Variants in DLG2 observed in about 807,000 individuals in gnomAD.
The protein encoded by DLG2 is discs large MAGUK scaffold protein 2, also known as disks large homolog 2.
A neutral mutation model predicts 132.5 loss-of-function variants in DLG2; 45 were observed. That is an observed-to-expected ratio of 0.34 (90% CI 0.27 to 0.44). DLG2 has a LOEUF of 0.44. DLG2 is among the 20% of genes least tolerant of loss of function. The pLI is 1.00. For synonymous variants in DLG2, 424 were observed against 419.6 expected (o/e 1.01, Z -0.13); for missense variants, 1,045 against 1,196.9 (o/e 0.87, Z 1.87).
At chr11:83,680,035 T>C (rs1180380859) in intron 18 of DLG2, among the ~76,000 whole-genome samples, 1 of 152,198 alleles carries the variant, frequency 6.6e-6, no homozygotes, top group Non-Finnish European at 1.5e-5. Flanking sequence ...TGGTTTTGTG[T>C]GTATGTGTCC....
chr11:85,074,402 GA>G (rs1353114944), intron 6 of DLG2, among the ~76,000 whole-genome samples: 4 of 151,720 alleles, frequency 2.6e-5, no homozygotes, highest in Non-Finnish European at 4.4e-5. Flanking sequence ...AGGAAGTAAT[GA>G]CCTGCCTTAT....
chr11:85,250,242 C>T (rs1170468056), intron 4 of DLG2, among the ~76,000 whole-genome samples: 1 of 152,082 alleles, frequency 6.6e-6, no homozygotes. Context: ...ACTCTACATA[C>T]CCAGATAACT....
At chr11:85,400,756 G>A (rs866644773) in intron 3 of DLG2, among the ~76,000 whole-genome samples, 8 of 151,278 alleles carry the variant, frequency 5.3e-5, no homozygotes, top group South Asian at 2.1e-4. Flanking sequence ...CACAGGAAGG[G>A]GAACATCACA....
intron 6 of DLG2, among the ~76,000 whole-genome samples, chr11:84,941,531 T>C (rs7949733): frequency 0.27 from 41,796 of 152,028 alleles, 6,267 homozygotes; most frequent in East Asian, 0.64. Context: ...ATCACACTGA[T>C]TGATTTGCAT....
At chr11:85,340,669 G>C (rs560514137) in intron 3 of DLG2, among the ~76,000 whole-genome samples, 1 of 152,064 alleles carries the variant, frequency 6.6e-6, no homozygotes, top group Non-Finnish European at 1.5e-5. Context: ...TTTTTAAAAA[G>C]AATATTAGCC....
At chr11:84,149,458 A>C (rs1434234059) in intron 9 of DLG2, among the ~76,000 whole-genome samples, 1 of 152,100 alleles carries the variant, frequency 6.6e-6, no homozygotes, top group Non-Finnish European at 1.5e-5. Flanking sequence ...TCCCAGCACC[A>C]TTAATTGAAT....
intron 7 of DLG2, chr11:84,317,011 C>T (rs776597837): frequency 1.9e-6 from 3 of 1,612,792 alleles, no homozygotes; most frequent in Admixed American, 1.7e-5. Context: ...GAGAACTGTA[C>T]CCGAGCCCCT....
rs115463127 is a variant in DLG2, at chr11:85,046,234, A to T, written c.357+65427T>A. Among the ~76,000 whole-genome samples, 1,122 of 152,112 alleles carry T rather than the reference A, an allele frequency of 7.4e-3. 12 individuals carry two copies. The highest frequency in any genetic ancestry group is 0.026 in the African/African-American group (1,067 of 41,540). On this transcript the variant is annotated intron_variant, in intron 6 of 27. Transcript: ENST00000376104. ...CTATCTGAGAGCTGTGTTATCTACC[A>T]CAGGGCAGGAGCTTTGGGTGGAGAT...
intron 4 of DLG2, among the ~76,000 whole-genome samples, chr11:85,204,503 A>C (rs1480577425): frequency 6.6e-6 from 1 of 152,154 alleles, no homozygotes; most frequent in Admixed American, 6.6e-5. Context: ...CTTCAATGAC[A>C]ATTATAAAAC....
At chr11:84,174,014 CTTT>C (rs11338428) in intron 8 of DLG2, among the ~76,000 whole-genome samples, 83 of 61,206 alleles carry the variant, frequency 1.4e-3, no homozygotes, top group Middle Eastern at 0.029. Context: ...ACCCCCCGGC[CTTT>C]TTTTTTTTTT....
intron 21 of DLG2, among the ~76,000 whole-genome samples, chr11:83,528,254 T>C (rs1449526686): frequency 6.6e-6 from 1 of 152,230 alleles, no homozygotes; most frequent in Non-Finnish European, 1.5e-5. Flanking sequence ...GGTATTTCAT[T>C]TGTAGCAGAT....
intron 6 of DLG2, among the ~76,000 whole-genome samples, chr11:84,789,510 G>A (rs1009688376): frequency 4.0e-5 from 6 of 151,824 alleles, no homozygotes; most frequent in Admixed American, 1.3e-4. Flanking sequence ...ATCACATCAC[G>A]GTAAATGAAG....
chr11:84,485,198 G>C (rs2099147711), intron 7 of DLG2, among the ~76,000 whole-genome samples: 2 of 151,940 alleles, frequency 1.3e-5, no homozygotes, highest in African/African-American at 4.8e-5. Flanking sequence ...GCAATGATTT[G>C]GTAAAAATGT....
chr11:84,060,956 T>C (rs191297994), intron 10 of DLG2, among the ~76,000 whole-genome samples: 165 of 152,318 alleles, frequency 1.1e-3, no homozygotes, highest in African/African-American at 3.8e-3. Flanking sequence ...CCTAGCCTTC[T>C]TGGATTCTCT....
intron 16 of DLG2, among the ~76,000 whole-genome samples, chr11:83,854,804 G>A (rs527813990): frequency 6.6e-6 from 1 of 151,950 alleles, no homozygotes; most frequent in South Asian, 2.1e-4. Flanking sequence ...TAAACATATG[G>A]ACAGTTTTTA....
intron 6 of DLG2, among the ~76,000 whole-genome samples, chr11:84,918,729 A>T (rs1230030462): frequency 6.6e-6 from 1 of 152,176 alleles, no homozygotes; most frequent in African/African-American, 2.4e-5. Flanking sequence ...CGATTGGCAA[A>T]TCCAGTACTA....
chr11:84,268,665 G>A (rs2097679555), intron 7 of DLG2, among the ~76,000 whole-genome samples: 1 of 151,792 alleles, frequency 6.6e-6, no homozygotes, highest in African/African-American at 2.4e-5. Context: ...GTTTCACTGA[G>A]TTAGCCACGA....
At chr11:85,561,290 C>T (rs1282935238) in intron 3 of DLG2, among the ~76,000 whole-genome samples, 1 of 116,864 alleles carries the variant, frequency 8.6e-6, no homozygotes, top group Non-Finnish European at 1.6e-5. Flanking sequence ...TATGATCATG[C>T]CAATGTACTC....
intron 3 of DLG2, among the ~76,000 whole-genome samples, chr11:85,514,659 A>G (rs1469177850): frequency 6.6e-5 from 10 of 151,906 alleles, no homozygotes; most frequent in Non-Finnish European, 1.5e-4. Flanking sequence ...TGTTTTCTCT[A>G]TGCATTAGCT....
Sources: gnomAD v4.1 joint callset for allele counts (sites outside exome capture counted in the v4.1 genomes callset) on GRCh38, gnomAD v4.1.1 for gene constraint, MANE v1.5 for transcripts, NCBI Gene and HGNC (gene_info 2026-07-23, HGNC 2026-07-21) for gene names.